The following TMEM150B variants were observed in gnomAD, a reference collection of about 807,000 sequenced individuals.
TMEM150B encodes modulator of macroautophagy TMEM150B.
A neutral mutation model predicts 25.2 loss-of-function variants in TMEM150B; 33 were observed. The ratio of observed to expected loss-of-function variants is 1.31; its 90% CI spans 0.99 to 1.75. The LOEUF (loss-of-function observed/expected upper bound fraction) is 1.75. Ranked by LOEUF, TMEM150B falls within the 40% of genes most tolerant of loss-of-function variation. The pLI, the probability that TMEM150B is intolerant of heterozygous loss-of-function variation, is 0.00. For missense variants in TMEM150B, 322 were observed against 306.1 expected (o/e 1.05, Z -0.39); for synonymous variants, 133 against 134.8 (o/e 0.99, Z 0.09).
Position 55,321,023 on chromosome 19 carries a change from A to G in TMEM150B, c.14T>C (p.Leu5Pro). The part of the protein sequence containing the change: MWGY[L>P]SLMPVFLAVW... ...AGCTAGGAAGACAGGCATCAGCGACAGGTAGCCCCACATGCCGGGCTCTGC... is the reference window on the plus strand; with the variant it reads ...AGCTAGGAAGACAGGCATCAGCGACGGGTAGCCCCACATGCCGGGCTCTGC... Residue 5 changes from leucine (L) to proline (P), a missense_variant, in exon 3 of 8, where the codon CTG (leucine) becomes CCG (proline). Coordinates refer to ENST00000326652, the MANE Select transcript of TMEM150B (RefSeq NM_001282011.2). The G allele has an allele frequency of 6.2e-7, 1 of 1,613,816 alleles. No homozygotes were observed. The highest frequency in any genetic ancestry group is 1.7e-5 in the Admixed American group (1 of 59,968).
chr19:55,320,002 C>T, intron 6 of TMEM150B, 37 bp downstream of exon 6: 1 of 1,613,022 alleles, frequency 6.2e-7, no homozygotes, highest in Non-Finnish European at 8.5e-7. Context: ...TTCCAGACGC[C>T]GGCCGGGACA....
chr19:55,320,241 G>A, intron 5 of TMEM150B, 75 bp from the exon 6 acceptor site: 1 of 1,557,532 alleles, frequency 6.4e-7, no homozygotes, highest in Admixed American at 1.9e-5. Flanking sequence ...GGAAGTGAGG[G>A]GAGCAAGGTG....
chr19:55,316,874 C>T lies in TMEM150B; in HGVS notation c.417G>A (p.Arg139=). The change falls in exon 7 of 8, where the codon AGG becomes AGA. Residue 139 remains arginine, a synonymous_variant. Transcript: ENST00000326652. ...VYFWLQLLLW[R]LKRLPQPGAA... Reference sequence around the variant, plus strand: ...CCCCGGGCTGGGGCAGCCTCTTCAGCCTCCACAGGAGGAGCTGCAGCCAGA... The same window carrying T: ...CCCCGGGCTGGGGCAGCCTCTTCAGTCTCCACAGGAGGAGCTGCAGCCAGA... 6.2e-7 allele frequency: 1 copy of T among 1,601,712 alleles called. No individual in the cohort carries two copies.
chr19:55,324,661 A>G (rs779986554), intron 1 of TMEM150B: 43 of 924,684 alleles, frequency 4.7e-5, no homozygotes, highest in Non-Finnish European at 5.2e-5. Context: ...AAATAAATAA[A>G]ATAAAATAAA....
At chr19:55,313,197 CG>C in intron 7 of TMEM150B, 142 bp from the exon 8 acceptor site, 8 of 829,670 alleles carry the variant, frequency 9.6e-6, no homozygotes, top group Non-Finnish European at 1.5e-5. Context: ...TCCTCACAGA[CG>C]GGGCCTCGCC....
downstream of TMEM150B, chr19:55,312,533 CAAA>C (rs372052269): frequency 1.9e-4 from 5 of 25,744 alleles, no homozygotes; most frequent in Non-Finnish European, 2.5e-4. Context: ...CCGCCGGCGG[CAAA>C]AAAAAAAAAA....
downstream of TMEM150B, chr19:55,312,052 G>A: frequency 6.8e-7 from 1 of 1,476,670 alleles, no homozygotes. Context: ...GCCACCAACG[G>A]GACCCCTCTG....
chr19:55,312,117 GCC>G, downstream of TMEM150B: 1 of 792,412 alleles, frequency 1.3e-6, no homozygotes, highest in Non-Finnish European at 1.9e-6. Flanking sequence ...CCCCTTCCGT[GCC>G]CCCCAACTGT....
In TMEM150B at chr19:55,322,691, G is replaced by T. The variant is rs1158631031; in HGVS notation, c.-101C>A. 2 of 985,196 alleles carry T rather than the reference G, an allele frequency of 2.0e-6. No homozygotes were observed. The highest frequency in any genetic ancestry group is 1.8e-5 in the African/African-American group (1 of 57,134). 61.0% of individuals were successfully genotyped at this position (985,196 alleles called of 1,614,324 possible). ...GCTCTCAGTCCTGGAGCTGGGGCTG[G>T]GTGAGCTCAGGGAAGAAGGGCTGGC... is the stretch of plus-strand genomic sequence containing the variant. On this transcript the variant is annotated 5_prime_UTR_variant, in exon 2 of 8. Coordinates refer to ENST00000326652, the MANE Select transcript of TMEM150B (RefSeq NM_001282011.2).
rs2089304562 is a variant in TMEM150B at position 55,325,305 on chromosome 19, A to G, written c.-187T>C. The G allele has an allele frequency of 1.0e-6, 1 of 985,278 alleles. No individual in the cohort carries two copies. The highest frequency in any genetic ancestry group is 4.7e-5 in the South Asian group (1 of 21,284). The allele number at this position is 985,278 out of a possible 1,614,324, so 61.0% of individuals were successfully genotyped here. On this transcript the variant is annotated 5_prime_UTR_variant, in exon 1 of 8. Transcript: ENST00000326652. The stretch of plus-strand genomic sequence containing the variant: ...GGTAGGTTGGGTGTCTGGAGCCTGA[A>G]GGATCCTTCCAGAAGCTAGGGCTGC...
intron 6 of TMEM150B, among the ~76,000 whole-genome samples, chr19:55,318,841 A>T (rs1354611934): frequency 1.3e-5 from 2 of 152,144 alleles, no homozygotes; most frequent in Non-Finnish European, 2.9e-5. Context: ...CACTCTGTTC[A>T]CCAGGCTGGA....
At chr19:55,315,081 C>T (rs1366008845) in intron 7 of TMEM150B, among the ~76,000 whole-genome samples, 2 of 152,046 alleles carry the variant, frequency 1.3e-5, no homozygotes, top group African/African-American at 2.4e-5. Flanking sequence ...TTTGGGAGGC[C>T]GAGGCGGGCA....
intron 7 of TMEM150B, among the ~76,000 whole-genome samples, chr19:55,315,491 G>C (rs1370236335): frequency 6.6e-6 from 1 of 151,996 alleles, no homozygotes; most frequent in Non-Finnish European, 1.5e-5. Flanking sequence ...GCCAGGCACG[G>C]TGGCTCACAC....
At chr19:55,317,846 A>C (rs28875253) in intron 6 of TMEM150B, among the ~76,000 whole-genome samples, 57,250 of 150,280 alleles carry the variant, frequency 0.38, 11,219 homozygotes, top group South Asian at 0.47. Flanking sequence ...CCAGCTACTC[A>C]GGAGGCTGAG....
rs201758620 is a variant in TMEM150B, at chr19:55,320,546, G to A, written c.128+12C>T. ...GCGATCCCCCCAAATCCCTACCCTCGGGCAGAATTACCTGATGTAGGGAAA... is the reference window on the plus strand; with the variant it reads ...GCGATCCCCCCAAATCCCTACCCTCAGGCAGAATTACCTGATGTAGGGAAA... On this transcript the variant is annotated intron_variant, in intron 4 of 7. Coordinates refer to ENST00000326652, the MANE Select transcript of TMEM150B (RefSeq NM_001282011.2). 1,296 of 1,613,898 alleles carry A rather than the reference G, an allele frequency of 8.0e-4. No individual in the cohort carries two copies. Among genetic ancestry groups the A allele is most frequent in the Non-Finnish European group, 9.5e-4 (1,121 of 1,179,872 alleles).
At chr19:55,314,655 A>C (rs967588383) in intron 7 of TMEM150B, among the ~76,000 whole-genome samples, 1 of 151,090 alleles carries the variant, frequency 6.6e-6, no homozygotes, top group Non-Finnish European at 1.5e-5. Context: ...CCCTGTGGCT[A>C]AACTGATCAT....
intron 7 of TMEM150B, among the ~76,000 whole-genome samples, chr19:55,313,608 G>C (rs901573139): frequency 6.6e-6 from 1 of 151,988 alleles, no homozygotes; most frequent in Non-Finnish European, 1.5e-5. Flanking sequence ...TGCCCCAGCA[G>C]ACACTCCCCC....
chr19:55,321,265 G>A lies in TMEM150B; in HGVS notation c.-57-172C>T, dbSNP rs114477922. On this transcript the variant is annotated intron_variant, in intron 2 of 7. Coordinates refer to ENST00000326652, the MANE Select transcript of TMEM150B (RefSeq NM_001282011.2). Reference sequence around the variant, plus strand: ...CCCGCAGTGTTCAACCCTATCTCACGCATTCTCCTGCTTGAGGAATTTCTC... The same window carrying A: ...CCCGCAGTGTTCAACCCTATCTCACACATTCTCCTGCTTGAGGAATTTCTC... Among the ~76,000 whole-genome samples, 801 of 151,576 alleles carry A rather than the reference G, an allele frequency of 5.3e-3. 4 individuals are homozygous for A. Among genetic ancestry groups the A allele is most frequent in the African/African-American group, 0.018 (756 of 41,322 alleles).
At chr19:55,316,229 C>T (rs375934251) in intron 7 of TMEM150B, among the ~76,000 whole-genome samples, 68 of 152,274 alleles carry the variant, frequency 4.5e-4, no homozygotes, top group African/African-American at 1.6e-3. Flanking sequence ...GGAGTTCGGA[C>T]GAGCAGTTCA....
Sources: allele counts gnomAD v4.1 joint callset (sites outside exome capture counted in the v4.1 genomes callset), GRCh38; gene constraint gnomAD v4.1.1; transcripts MANE v1.5; gene names NCBI Gene and HGNC (gene_info 2026-07-23, HGNC 2026-07-21).